DNAH12: variants seen among roughly 807,000 people sequenced by gnomAD.
DNAH12 encodes dynein axonemal heavy chain 12, also known as axonemal beta dynein heavy chain 12.
Under a neutral mutation model 371.5 loss-of-function variants are expected in DNAH12, and 285 were observed. The ratio of observed to expected loss-of-function variants is 0.77; its 90% CI spans 0.70 to 0.85. DNAH12 has a LOEUF of 0.85. Among genes scored for constraint, DNAH12 ranks in the 40% least tolerant of loss-of-function variants. DNAH12 has a pLI of 0.00. For missense variants in DNAH12, 3,611 were observed against 3,689.4 expected, an observed-to-expected ratio of 0.98 and a Z score of 0.55; for synonymous variants, 1,200 against 1,213.0, an observed-to-expected ratio of 0.99 and a Z score of 0.22.
At chr3:57,410,918 T>A (rs962004881) in intron 39 of DNAH12, among the ~76,000 whole-genome samples, 10 of 151,750 alleles carry the variant, frequency 6.6e-5, no homozygotes, top group African/African-American at 9.7e-5. Context: ...GCTAACATCA[T>A]ACTTAATGGT....
At chr3:57,383,853 C>T (rs1414249250) in intron 49 of DNAH12, among the ~76,000 whole-genome samples, 1 of 151,772 alleles carries the variant, frequency 6.6e-6, no homozygotes, top group South Asian at 2.1e-4. Flanking sequence ...TCCTGATTCA[C>T]AGCACTAGGA....
chr3:57,497,353 A>G (rs1271370777), intron 11 of DNAH12, among the ~76,000 whole-genome samples: 1 of 152,238 alleles, frequency 6.6e-6, no homozygotes, highest in African/African-American at 2.4e-5. Context: ...CCATTGAACT[A>G]CAGAAATCAA....
At chr3:57,430,919 T>C (rs1167885510) in intron 32 of DNAH12, among the ~76,000 whole-genome samples, 4 of 152,230 alleles carry the variant, frequency 2.6e-5, no homozygotes, top group African/African-American at 9.6e-5. Flanking sequence ...TTATATTTAA[T>C]TTTAGCTAAC....
chr3:57,461,387 TA>T (rs1412730488), intron 19 of DNAH12, 101 bp downstream of exon 19: 26 of 1,137,436 alleles, frequency 2.3e-5, no homozygotes, highest in Non-Finnish European at 3.0e-5. Context: ...AATAAACACT[TA>T]AAAAACCATC....
At chr3:57,390,512 A>G in intron 45 of DNAH12, among the ~76,000 whole-genome samples, 2 of 129,824 alleles carry the variant, frequency 1.5e-5, no homozygotes, top group Middle Eastern at 7.1e-3. Context: ...GATTTCCCAA[A>G]CAAAACCAGA....
intron 17 of DNAH12, 109 bp from the exon 18 acceptor site, chr3:57,462,984 T>G (rs2066100839): frequency 2.8e-6 from 2 of 705,580 alleles, no homozygotes; most frequent in Non-Finnish European, 4.5e-6. Context: ...TCAATTTATT[T>G]AATATATTTC....
chr3:57,478,089 G>A (rs912726887), intron 13 of DNAH12, among the ~76,000 whole-genome samples: 1 of 152,218 alleles, frequency 6.6e-6, no homozygotes, highest in Non-Finnish European at 1.5e-5. Flanking sequence ...ACTTTGACGA[G>A]TTGAGAGAAG....
chr3:57,421,600 T>C lies in DNAH12; in HGVS notation c.5480A>G (p.Asp1827Gly), dbSNP rs200249401. 1.9e-6 allele frequency: 3 copies of C among 1,551,682 alleles called. No homozygotes were observed. The highest frequency in any genetic ancestry group is 2.4e-5 in the South Asian group (2 of 84,064). ...CACAGAATCTGGCACTGGGTTTTCA[T>C]CATCTTTTCCCAGTATGATTAATCG... ...FIRLIILGKD[D>G]ENPVPDSVGK... The change falls in exon 36 of 74, where the codon GAT becomes GGT. Residue 1827 changes from aspartate (D) to glycine (G), a missense_variant. Asp to Gly is a moderately conservative substitution (Grantham distance 94). Transcript: ENST00000495027.
chr3:57,385,244 G>A (rs2063477999), intron 48 of DNAH12, 105 bp downstream of exon 48: 1 of 152,204 alleles, frequency 6.6e-6, no homozygotes, highest in Non-Finnish European at 1.5e-5. Context: ...ATGGAAAAGG[G>A]TAAAGTCTCT....
At chr3:57,470,664 A>G in intron 15 of DNAH12, 28 bp from the exon 16 acceptor site, 2 of 1,484,220 alleles carry the variant, frequency 1.3e-6, no homozygotes, top group Non-Finnish European at 9.0e-7. Flanking sequence ...TTTTGTCTTA[A>G]AAAAAATTCA....
chr3:57,524,851 A>G (rs1431555946), intron 2 of DNAH12, among the ~76,000 whole-genome samples: 2 of 152,236 alleles, frequency 1.3e-5, no homozygotes, highest in African/African-American at 4.8e-5. Context: ...GACAGTGTCA[A>G]GTGGAGATAA....
At position 57,329,350 on chromosome 3, in the gene DNAH12, G is replaced by T. The variant is rs1022227660; in HGVS notation, c.9978+5115C>A. On this transcript the variant is annotated intron_variant, in intron 62 of 73. Transcript: ENST00000495027. Reference sequence around the variant, plus strand: ...CAGTAACAAAAACAGCATGGTACTGGTACCAAAACAGAGATATAGATCAAT... The same window carrying T: ...CAGTAACAAAAACAGCATGGTACTGTTACCAAAACAGAGATATAGATCAAT... Among the ~76,000 whole-genome samples, 2 of 124,508 alleles carry T rather than the reference G, an allele frequency of 1.6e-5. 1 individual carries two copies. The highest frequency in any genetic ancestry group is 3.2e-5 in the Non-Finnish European group (2 of 62,216). The allele number at this position is 124,508 out of a possible 152,430, so 81.7% of individuals were successfully genotyped here. A position where few individuals can be genotyped will look rare whatever the true frequency, so the allele number is the denominator to read the frequency against.
chr3:57,446,316 T>C (rs2153370712), intron 26 of DNAH12, 46 bp from the exon 27 acceptor site: 1 of 1,520,308 alleles, frequency 6.6e-7, no homozygotes, highest in Non-Finnish European at 8.8e-7. Context: ...CAGGAAAGGA[T>C]ATCATCTCTT....
intron 11 of DNAH12, chr3:57,497,939 A>G (rs1164951082): frequency 6.6e-6 from 1 of 152,214 alleles, no homozygotes; most frequent in Non-Finnish European, 1.5e-5. Context: ...AACATTGATT[A>G]TAACAATATA....
At chr3:57,301,695 CACACACACACACA>C in intron 70 of DNAH12, 27 bp downstream of exon 70, 1 of 1,340,602 alleles carries the variant, frequency 7.5e-7, no homozygotes, top group Non-Finnish European at 1.0e-6. Context: ...CACACACACA[CACACACACACACA>C]CACACACACA....
At chr3:57,303,598 G>A (rs931032664) in intron 69 of DNAH12, among the ~76,000 whole-genome samples, 10 of 151,822 alleles carry the variant, frequency 6.6e-5, no homozygotes, top group South Asian at 6.2e-4. Flanking sequence ...TTTTGTTGAC[G>A]GGGTTTTGCC....
chr3:57,309,563 T>C, intron 68 of DNAH12, 103 bp downstream of exon 68: 1 of 1,157,342 alleles, frequency 8.6e-7, no homozygotes, highest in African/African-American at 1.6e-5. Flanking sequence ...AGAGGCAAAG[T>C]TCTTGCTCAA....
At chr3:57,491,129 T>C (rs750622986) in intron 11 of DNAH12, among the ~76,000 whole-genome samples, 1 of 136,640 alleles carries the variant, frequency 7.3e-6, no homozygotes, top group Non-Finnish European at 1.6e-5. Context: ...ACAGAACTCA[T>C]GGCATTGAAA....
intron 69 of DNAH12, among the ~76,000 whole-genome samples, chr3:57,305,606 A>T (rs547364599): frequency 1.3e-5 from 2 of 152,260 alleles, no homozygotes; most frequent in South Asian, 4.1e-4. Flanking sequence ...TTCATCAAAT[A>T]TGAAAAACCC....
Sources: gnomAD v4.1 joint callset for allele counts (sites outside exome capture counted in the v4.1 genomes callset) on GRCh38, gnomAD v4.1.1 for gene constraint, MANE v1.5 for transcripts, NCBI Gene and HGNC (gene_info 2026-07-23, HGNC 2026-07-21) for gene names.